DSCAM: variants seen among roughly 807,000 people sequenced by gnomAD.
DSCAM encodes DS cell adhesion molecule.
DSCAM carries 47 observed loss-of-function variants against 217.7 expected under a neutral mutation model. The observed-to-expected ratio is 0.22, with a 90% CI of 0.17 to 0.28. The LOEUF (loss-of-function observed/expected upper bound fraction) is 0.28, where lower values mean the gene tolerates loss of function less well. DSCAM is among the 10% of genes least tolerant of loss of function. The pLI is 1.00. For synonymous variants in DSCAM, 1,056 were observed against 1,015.3 expected (o/e 1.04, Z -0.76); for missense variants, 2,080 against 2,618.3 (o/e 0.79, Z 4.49).
rs2073643493 is a variant in DSCAM, at chr21:40,273,271, T to C, written c.2356+2826A>G. ...TCATGATAACTCTATGAAGATGGCATAGTTCTTCCTATTTTCTAGGCCTAG... is the reference window on the plus strand; with the variant it reads ...TCATGATAACTCTATGAAGATGGCACAGTTCTTCCTATTTTCTAGGCCTAG... On this transcript the variant is annotated intron_variant, in intron 11 of 32. Coordinates refer to ENST00000400454, the MANE Select transcript of DSCAM (RefSeq NM_001389.5). 2.0e-5 allele frequency among the ~76,000 whole-genome samples: 3 copies of C among 152,348 alleles called. No homozygotes were observed. In the South Asian group the frequency reaches 6.2e-4, roughly 32 times the overall value.
Position 40,606,275 on chromosome 21 carries a change from G to A in DSCAM, c.508+86535C>T, listed in dbSNP as rs562642632. On this transcript the variant is annotated intron_variant, in intron 3 of 32. Coordinates refer to ENST00000400454, the MANE Select transcript of DSCAM (RefSeq NM_001389.5). ...GTCTCAGTGTTGGTGTTGGGGCCAC[G>A]AGGGGGTGATGGGGACATTGATGAG... Among the ~76,000 whole-genome samples, 11 of 152,156 alleles carry A rather than the reference G, an allele frequency of 7.2e-5. No homozygotes were observed. The South Asian group carries it at 8.3e-4, about 11-fold the overall frequency.
rs188007286 is a variant in DSCAM at position 40,660,028 on chromosome 21, G to A, written c.508+32782C>T. ...TACTAGCAGTGGTCATCTATCAAGT[G>A]CTAGTTATATGCTAAAGACTGTGTT... On this transcript the variant is annotated intron_variant, in intron 3 of 32. Coordinates refer to ENST00000400454, the MANE Select transcript of DSCAM (RefSeq NM_001389.5). 1.2e-3 allele frequency among the ~76,000 whole-genome samples: 187 copies of A among 152,314 alleles called. 2 individuals carry two copies. Among genetic ancestry groups the A allele is most frequent in the Admixed American group, 1.4e-3 (21 of 15,290 alleles).
intron 11 of DSCAM, among the ~76,000 whole-genome samples, chr21:40,275,394 G>A (rs1157949739): frequency 6.6e-6 from 1 of 152,058 alleles, no homozygotes; most frequent in African/African-American, 2.4e-5. Context: ...CAGTTCATTC[G>A]ATGGAAAATT....
intron 1 of DSCAM, among the ~76,000 whole-genome samples, chr21:40,755,205 T>C (rs1180922608): frequency 6.6e-6 from 1 of 152,104 alleles, no homozygotes; most frequent in Non-Finnish European, 1.5e-5. Flanking sequence ...CCCAGCACTT[T>C]GGGAGGCAGA....
chr21:40,669,917 G>A (rs1384330637), intron 3 of DSCAM, among the ~76,000 whole-genome samples: 1 of 148,354 alleles, frequency 6.7e-6, no homozygotes, highest in African/African-American at 2.5e-5. Context: ...CATTTTCTAA[G>A]GCTTGATTTT....
At chr21:40,784,860 T>C (rs2091579491) in intron 1 of DSCAM, among the ~76,000 whole-genome samples, 1 of 152,208 alleles carries the variant, frequency 6.6e-6, no homozygotes, top group South Asian at 2.1e-4. Context: ...GGGGAGAATG[T>C]TGGTTTTTGA....
intron 3 of DSCAM, among the ~76,000 whole-genome samples, chr21:40,687,439 A>G (rs1485791763): frequency 6.6e-6 from 1 of 152,174 alleles, no homozygotes; most frequent in Admixed American, 6.5e-5. Flanking sequence ...GGAGCAATAA[A>G]ATCACAATAG....
chr21:40,583,383 CG>C (rs1842534372), intron 3 of DSCAM, among the ~76,000 whole-genome samples: 1 of 152,064 alleles, frequency 6.6e-6, no homozygotes, highest in South Asian at 2.1e-4. Flanking sequence ...TATCAACTTT[CG>C]GAACTATAAC....
chr21:40,772,202 C>A (rs966001177), intron 1 of DSCAM, among the ~76,000 whole-genome samples: 34 of 152,176 alleles, frequency 2.2e-4, no homozygotes, highest in Admixed American at 2.2e-3. Context: ...GAGATTTGCT[C>A]TTTTCCCCCA....
chr21:40,049,813 T>G (rs557498191), intron 30 of DSCAM, among the ~76,000 whole-genome samples: 4 of 152,300 alleles, frequency 2.6e-5, no homozygotes, highest in African/African-American at 9.6e-5. Context: ...GGTTCATGTC[T>G]CTGTTGATAT....
chr21:40,663,239 C>A (rs939034170), intron 3 of DSCAM, among the ~76,000 whole-genome samples: 1 of 108,490 alleles, frequency 9.2e-6, no homozygotes, highest in African/African-American at 3.7e-5. Context: ...GGAATATAAG[C>A]ATGTGAGTGT....
At chr21:40,186,286 G>A (rs190623813) in intron 14 of DSCAM, among the ~76,000 whole-genome samples, 2 of 152,164 alleles carry the variant, frequency 1.3e-5, no homozygotes, top group East Asian at 3.9e-4. Context: ...ATATTAGATG[G>A]GTCACAACTG....
chr21:40,760,234 T>C (rs1207253289), intron 1 of DSCAM, among the ~76,000 whole-genome samples: 2 of 152,092 alleles, frequency 1.3e-5, no homozygotes, highest in Non-Finnish European at 1.5e-5. Flanking sequence ...GCCAGGATTG[T>C]CTCAATCTCT....
intron 11 of DSCAM, among the ~76,000 whole-genome samples, chr21:40,191,992 T>C (rs2090957057): frequency 6.6e-6 from 1 of 152,208 alleles, no homozygotes; most frequent in African/African-American, 2.4e-5. Flanking sequence ...TAAGGTCATA[T>C]TCCAAGGTTC....
intron 1 of DSCAM, among the ~76,000 whole-genome samples, chr21:40,712,453 G>A (rs970852558): frequency 2.6e-5 from 3 of 115,354 alleles, no homozygotes; most frequent in African/African-American, 1.0e-4. Context: ...CTGGGCGACA[G>A]AGCGAGACTC....
chr21:40,112,034 A>G (rs1472253629), intron 20 of DSCAM, among the ~76,000 whole-genome samples: 6 of 151,772 alleles, frequency 4.0e-5, no homozygotes, highest in Admixed American at 2.0e-4. Flanking sequence ...AAGGATATCC[A>G]GGAAGTGAAC....
chr21:40,093,656 T>C, intron 21 of DSCAM, 65 bp downstream of exon 21: 4 of 1,567,920 alleles, frequency 2.6e-6, no homozygotes, highest in Non-Finnish European at 3.5e-6. Context: ...TTATTTCAGG[T>C]AAAATAGAGA....
intron 3 of DSCAM, among the ~76,000 whole-genome samples, chr21:40,477,415 G>A (rs777132324): frequency 9.9e-5 from 15 of 152,176 alleles, no homozygotes; most frequent in African/African-American, 2.9e-4. Flanking sequence ...TTTTCTGATC[G>A]TCTTTTCTAT....
In DSCAM at chr21:40,290,101, A is replaced by C. The variant is rs112743676; in HGVS notation, c.2182+5954T>G. Among the ~76,000 whole-genome samples the C allele has an allele frequency of 9.4e-3, 1,435 of 152,336 alleles. 27 individuals are homozygous for C. Among genetic ancestry groups the C allele is most frequent in the African/African-American group, 0.032 (1,334 of 41,578 alleles). On this transcript the variant is annotated intron_variant, in intron 10 of 32. Coordinates refer to ENST00000400454, the MANE Select transcript of DSCAM (RefSeq NM_001389.5). The stretch of plus-strand genomic sequence containing the variant: ...AAATTAAAATGGAAATCAATGAGTT[A>C]AAAAACCAGAGAGAAAATGACAGCT...
Sources: gnomAD v4.1 joint callset for allele counts (sites outside exome capture counted in the v4.1 genomes callset) on GRCh38, gnomAD v4.1.1 for gene constraint, MANE v1.5 for transcripts, NCBI Gene and HGNC (gene_info 2026-07-23, HGNC 2026-07-21) for gene names.